SPATA18: variants seen among roughly 807,000 people sequenced by gnomAD.
SPATA18 encodes the protein mitochondria-eating protein.
Under a neutral mutation model 68.1 loss-of-function variants are expected in SPATA18, and 54 were observed. That is an observed-to-expected ratio of 0.79 (90% CI 0.64 to 0.99). The LOEUF (loss-of-function observed/expected upper bound fraction) is 0.99, where lower values mean the gene tolerates loss of function less well. SPATA18 is among the 50% of genes least tolerant of loss of function. The pLI is 0.00. For missense variants in SPATA18, 724 were observed against 681.1 expected, an observed-to-expected ratio of 1.06 and a Z score of -0.70; for synonymous variants, 242 against 244.8, an observed-to-expected ratio of 0.99 and a Z score of 0.11.
chr4:52,090,656 C>T (rs776389093), intron 11 of SPATA18, among the ~76,000 whole-genome samples: 19 of 152,190 alleles, frequency 1.2e-4, no homozygotes, highest in Non-Finnish European at 2.2e-4. Flanking sequence ...GATTCACTCA[C>T]TGTTAGTATG....
Position 52,051,431 on chromosome 4 carries a change from A to C in SPATA18, c.-274A>C. On this transcript the variant is annotated 5_prime_UTR_variant, in exon 1 of 13. Coordinates refer to ENST00000295213, the MANE Select transcript of SPATA18 (RefSeq NM_145263.4). ...AGGTTTGTTTAATAATCGCCAGGGT[A>C]TCTATGGCCGGGCTCAGGCGGCTGC... is the stretch of plus-strand genomic sequence containing the variant. 1 of 481,962 alleles carries C rather than the reference A, an allele frequency of 2.1e-6. No individual in the cohort carries two copies. 29.9% of individuals were successfully genotyped at this position (481,962 alleles called of 1,614,324 possible).
chr4:52,074,538 A>T (rs1217631504), intron 6 of SPATA18, among the ~76,000 whole-genome samples: 1 of 152,136 alleles, frequency 6.6e-6, no homozygotes, highest in Non-Finnish European at 1.5e-5. Context: ...GACATTGGTT[A>T]TATCATTCTA....
chr4:52,093,136 TAAAAAG>T, intron 11 of SPATA18, among the ~76,000 whole-genome samples: 1 of 152,094 alleles, frequency 6.6e-6, no homozygotes, highest in South Asian at 2.1e-4. Context: ...CCCCTAAACT[TAAAAAG>T]AAAAATAAAA....
At chr4:52,074,882 T>C (rs1740196422) in intron 6 of SPATA18, among the ~76,000 whole-genome samples, 1 of 152,120 alleles carries the variant, frequency 6.6e-6, no homozygotes, top group Admixed American at 6.5e-5. Context: ...GAAGACTTGC[T>C]CAGCCGCAAT....
chr4:52,065,532 G>A (rs1260356385), intron 4 of SPATA18, among the ~76,000 whole-genome samples: 4 of 152,112 alleles, frequency 2.6e-5, no homozygotes, highest in Non-Finnish European at 5.9e-5. Flanking sequence ...TCCCAACACC[G>A]TTTGTTGAAT....
chr4:52,055,456 A>C (rs1326157979), intron 1 of SPATA18, among the ~76,000 whole-genome samples: 13 of 152,212 alleles, frequency 8.5e-5, no homozygotes, highest in Admixed American at 7.2e-4. Context: ...ACAGGACTCA[A>C]TGCATTTTAC....
At chr4:52,093,778 G>A (rs1309095896) in intron 11 of SPATA18, among the ~76,000 whole-genome samples, 1 of 152,106 alleles carries the variant, frequency 6.6e-6, no homozygotes, top group East Asian at 1.9e-4. Flanking sequence ...TTCTCATGTT[G>A]TGCTCAGAAA....
intron 7 of SPATA18, among the ~76,000 whole-genome samples, chr4:52,077,249 TCCA>T: frequency 1.8e-5 from 2 of 113,366 alleles, no homozygotes; most frequent in South Asian, 8.1e-4. Flanking sequence ...CCTTGTTCCC[TCCA>T]TCCCTCCCTC....
intron 10 of SPATA18, chr4:52,083,450 C>T (rs1470734652): frequency 3.0e-6 from 3 of 985,234 alleles, no homozygotes; most frequent in East Asian, 2.3e-4. Context: ...TGTTTTGTTC[C>T]ATAAATGTTG....
In SPATA18 at chr4:52,051,620, T is replaced by C. The variant is rs1240839072; in HGVS notation, c.-85T>C. 10 of 1,277,828 alleles carry C rather than the reference T, an allele frequency of 7.8e-6. No individual in the cohort carries two copies. The allele number at this position is 1,277,828 out of a possible 1,614,324, so 79.2% of individuals were successfully genotyped here. A position where few individuals can be genotyped will look rare whatever the true frequency, so the allele number is the denominator to read the frequency against. On this transcript the variant is annotated 5_prime_UTR_variant, in exon 1 of 13. Coordinates refer to ENST00000295213, the MANE Select transcript of SPATA18 (RefSeq NM_145263.4). ...CCAGAAGAGAACACCCTTCCCGCCA[T>C]ATCACCCCACGGTCCTGCGGAGGCC...
At chr4:52,082,354 A>T in intron 9 of SPATA18, 33 bp from the exon 10 acceptor site, 1 of 1,600,132 alleles carries the variant, frequency 6.2e-7, no homozygotes, top group Non-Finnish European at 8.6e-7. Context: ...TAATTGCTTA[A>T]CTTCTCTTTC....
At chr4:52,060,344 TGAGGC>T (rs1738720014) in intron 1 of SPATA18, 70 bp from the exon 2 acceptor site, 1 of 1,233,474 alleles carries the variant, frequency 8.1e-7, no homozygotes, top group South Asian at 1.4e-5. Context: ...GTGGGTCAAG[TGAGGC>T]CCTGGTCTGT....
At chr4:52,060,318 C>A in intron 1 of SPATA18, 101 bp from the exon 2 acceptor site, 1 of 858,752 alleles carries the variant, frequency 1.2e-6, no homozygotes, top group South Asian at 1.7e-5. Flanking sequence ...AAAAGCATAC[C>A]AGAGCCAGGC....
chr4:52,094,957 T>G lies in SPATA18; in HGVS notation c.*70T>G, dbSNP rs1456773091. 5 of 1,580,552 alleles carry G rather than the reference T, an allele frequency of 3.2e-6. No homozygotes were observed. Among genetic ancestry groups the G allele is most frequent in the Non-Finnish European group, 2.6e-6 (3 of 1,149,636 alleles). On this transcript the variant is annotated 3_prime_UTR_variant, in exon 13 of 13. Coordinates refer to ENST00000295213, the MANE Select transcript of SPATA18 (RefSeq NM_145263.4). ...CTTTCTCCAGTGCCGCCATCTGTCTTCTGTGTCTGCCTCAGACCTCACTTA... is the reference window on the plus strand; with the variant it reads ...CTTTCTCCAGTGCCGCCATCTGTCTGCTGTGTCTGCCTCAGACCTCACTTA...
intron 10 of SPATA18, 82 bp downstream of exon 10, chr4:52,082,592 A>G (rs779395708): frequency 6.2e-7 from 1 of 1,611,718 alleles, no homozygotes; most frequent in Non-Finnish European, 8.5e-7. Context: ...CAGAGATTCT[A>G]TAAAAGAAGT....
At chr4:52,067,144 GCAGC>G (rs1739382563) in intron 4 of SPATA18, among the ~76,000 whole-genome samples, 1 of 152,056 alleles carries the variant, frequency 6.6e-6, no homozygotes, top group African/African-American at 2.4e-5. Context: ...CTATTTCTTT[GCAGC>G]CTCGCCAGCA....
intron 6 of SPATA18, among the ~76,000 whole-genome samples, chr4:52,076,032 A>C (rs1334372021): frequency 2.6e-5 from 4 of 152,276 alleles, no homozygotes; most frequent in African/African-American, 9.6e-5. Flanking sequence ...GAAAAGGGAC[A>C]TGAACTTGGA....
intron 4 of SPATA18, among the ~76,000 whole-genome samples, chr4:52,067,207 A>G (rs537727916): frequency 2.7e-4 from 41 of 152,202 alleles, no homozygotes; most frequent in African/African-American, 9.6e-4. Flanking sequence ...CTAGCATGAG[A>G]TGGTATCTCA....
rs146047250 is a variant in SPATA18 at position 52,076,799 on chromosome 4, C to G, written c.779C>G (p.Pro260Arg). 6.2e-7 allele frequency: 1 copy of G among 1,613,936 alleles called. No homozygotes were observed. The highest frequency in any genetic ancestry group is 2.2e-5 in the East Asian group (1 of 44,880). Residue 260 changes from proline to arginine, a missense_variant, in exon 7 of 13, where the codon CCC becomes CGC. Coordinates refer to ENST00000295213, the MANE Select transcript of SPATA18 (RefSeq NM_145263.4). The stretch of plus-strand genomic sequence containing the variant: ...AACAGGTCCTCCAGGAGCCGGTCTC[C>G]CAGCCCTGCCCCTCGCAGCCGTAGC... ...LQGRSSRSRS[P>R]SPAPRSRSCS...
Sources: allele counts gnomAD v4.1 joint callset (sites outside exome capture counted in the v4.1 genomes callset), GRCh38; gene constraint gnomAD v4.1.1; transcripts MANE v1.5; gene names NCBI Gene and HGNC (gene_info 2026-07-23, HGNC 2026-07-21).